Variants in ITPR2 observed in about 807,000 individuals in gnomAD.
The protein encoded by ITPR2 is inositol 1,4,5-trisphosphate receptor type 2.
ITPR2 carries 207 observed loss-of-function variants against 317.1 expected under a neutral mutation model. The observed-to-expected ratio is 0.65, with a 90% CI of 0.58 to 0.73. The LOEUF (loss-of-function observed/expected upper bound fraction) is 0.73. Ranked by LOEUF, ITPR2 falls within the 30% of genes least tolerant of loss-of-function variation. ITPR2 has a pLI of 0.00. For missense variants in ITPR2, 2,613 were observed against 3,284.0 expected (o/e 0.80, Z 4.99); for synonymous variants, 1,156 against 1,149.1 (o/e 1.01, Z -0.12).
intron 21 of ITPR2, 67 bp downstream of exon 21, chr12:26,653,909 T>A (rs1448235303): frequency 7.6e-7 from 1 of 1,323,882 alleles, no homozygotes; most frequent in Non-Finnish European, 1.1e-6. Flanking sequence ...CCCTTCTCTG[T>A]AGTTTTGTTT....
At chr12:26,698,761 G>A (rs950036532) in intron 9 of ITPR2, among the ~76,000 whole-genome samples, 7 of 152,094 alleles carry the variant, frequency 4.6e-5, no homozygotes, top group African/African-American at 1.7e-4. Flanking sequence ...TGAATTATGA[G>A]TAACAGAATT....
intron 1 of ITPR2, among the ~76,000 whole-genome samples, chr12:26,799,893 C>A (rs1950524047): frequency 6.6e-6 from 1 of 152,160 alleles, no homozygotes; most frequent in Non-Finnish European, 1.5e-5. Context: ...TTAACTACTA[C>A]CAGTTCTCAA....
At chr12:26,556,772 TA>T (rs762624049) in intron 35 of ITPR2, among the ~76,000 whole-genome samples, 12,741 of 94,526 alleles carry the variant, frequency 0.13, 1,274 homozygotes, top group East Asian at 0.51. Flanking sequence ...GGGAACAGCT[TA>T]AAAAAAAAAA....
intron 21 of ITPR2, 25 bp from the exon 22 acceptor site, chr12:26,632,084 C>T (rs934531336): frequency 2.0e-6 from 3 of 1,501,546 alleles, no homozygotes; most frequent in Admixed American, 4.4e-5. Flanking sequence ...TGCCGTAAGT[C>T]AACACACACA....
chr12:26,438,086 C>A (rs899779114), intron 47 of ITPR2, among the ~76,000 whole-genome samples: 1 of 151,120 alleles, frequency 6.6e-6, no homozygotes, highest in Non-Finnish European at 1.5e-5. Context: ...CAGGCATGAG[C>A]CACCACGCCT....
chr12:26,704,281 T>A (rs1948509857), intron 9 of ITPR2, among the ~76,000 whole-genome samples: 1 of 152,202 alleles, frequency 6.6e-6, no homozygotes, highest in Non-Finnish European at 1.5e-5. Context: ...ATTCTAATAA[T>A]CCAGGTCATG....
intron 45 of ITPR2, among the ~76,000 whole-genome samples, chr12:26,445,185 G>A (rs1003040456): frequency 4.6e-5 from 7 of 152,114 alleles, no homozygotes; most frequent in Non-Finnish European, 1.0e-4. Flanking sequence ...TGACCTGAGC[G>A]ACTAATAGTT....
intron 13 of ITPR2, among the ~76,000 whole-genome samples, chr12:26,671,622 T>C (rs1257153889): frequency 4.0e-5 from 6 of 151,062 alleles, no homozygotes; most frequent in African/African-American, 1.5e-4. Context: ...CCATCGAGAC[T>C]AGGAAGAAAC....
intron 34 of ITPR2, among the ~76,000 whole-genome samples, chr12:26,567,071 A>C (rs1029195816): frequency 6.6e-6 from 1 of 152,240 alleles, no homozygotes; most frequent in South Asian, 2.1e-4. Context: ...ACAAGTTTCC[A>C]CTGACATTTA....
chr12:26,495,955 A>T lies in ITPR2; in HGVS notation c.5074-695T>A, dbSNP rs1591830299. Among the ~76,000 whole-genome samples, 3 of 152,350 alleles carry T rather than the reference A, an allele frequency of 2.0e-5. No individual in the cohort carries two copies. The South Asian group carries it at 6.2e-4, about 32-fold the overall frequency. On this transcript the variant is annotated intron_variant, in intron 37 of 56. Transcript: ENST00000381340. ...TGGGCAAAAGACAGTGTATTCCTTT[A>T]CAAATTACATAATCCAAAACTTCCT... is the stretch of plus-strand genomic sequence containing the variant.
intron 44 of ITPR2, among the ~76,000 whole-genome samples, chr12:26,475,689 C>T (rs951595031): frequency 6.6e-6 from 1 of 152,178 alleles, no homozygotes; most frequent in Admixed American, 6.5e-5. Context: ...CCCCAATAAA[C>T]ATCCATTATT....
intron 21 of ITPR2, among the ~76,000 whole-genome samples, chr12:26,647,675 G>A (rs112398019): frequency 9.9e-5 from 15 of 152,196 alleles, no homozygotes; most frequent in African/African-American, 2.9e-4. Flanking sequence ...ATCACTGAGA[G>A]CAAATCGTAA....
At chr12:26,631,756 T>C (rs1156879472) in intron 22 of ITPR2, 110 bp downstream of exon 22, 3 of 883,606 alleles carry the variant, frequency 3.4e-6, no homozygotes, top group Admixed American at 2.6e-5. Context: ...TAAAATTATA[T>C]TGATAGCATT....
At chr12:26,608,405 C>T (rs1359226527) in intron 26 of ITPR2, among the ~76,000 whole-genome samples, 1 of 151,892 alleles carries the variant, frequency 6.6e-6, no homozygotes, top group Admixed American at 6.6e-5. Flanking sequence ...TCTCCCCGGG[C>T]CCCCCACCGT....
At chr12:26,620,646 A>G (rs758950463) in intron 26 of ITPR2, among the ~76,000 whole-genome samples, 2 of 152,186 alleles carry the variant, frequency 1.3e-5, no homozygotes, top group Admixed American at 1.3e-4. Flanking sequence ...CACTCTTTAG[A>G]TTTTTGGTAT....
intron 55 of ITPR2, among the ~76,000 whole-genome samples, chr12:26,355,844 G>T (rs1240267744): frequency 6.6e-6 from 1 of 152,182 alleles, no homozygotes; most frequent in Admixed American, 6.5e-5. Flanking sequence ...GCTTTTGGGG[G>T]TCAGCACAAC....
chr12:26,798,651 T>C lies in ITPR2; in HGVS notation c.93-8424A>G, dbSNP rs73300516. ...AAATAAGAAGTAGATCCCAAGGATGTTAATTCATGTTTGTATGGTAATTAA... is the reference window on the plus strand; with the variant it reads ...AAATAAGAAGTAGATCCCAAGGATGCTAATTCATGTTTGTATGGTAATTAA... On this transcript the variant is annotated intron_variant, in intron 1 of 56. Coordinates refer to ENST00000381340, the MANE Select transcript of ITPR2 (RefSeq NM_002223.4). Among the ~76,000 whole-genome samples, 1,181 of 152,344 alleles carry C rather than the reference T, an allele frequency of 7.8e-3. 17 individuals carry two copies. Among genetic ancestry groups the C allele is most frequent in the African/African-American group, 0.027 (1,133 of 41,576 alleles).
intron 26 of ITPR2, among the ~76,000 whole-genome samples, chr12:26,608,889 T>A (rs1946200270): frequency 6.6e-6 from 1 of 152,022 alleles, no homozygotes; most frequent in Non-Finnish European, 1.5e-5. Flanking sequence ...CTCAACAGTA[T>A]TATGTAAAAT....
At chr12:26,712,880 A>G (rs1036078696) in intron 8 of ITPR2, among the ~76,000 whole-genome samples, 7 of 152,230 alleles carry the variant, frequency 4.6e-5, no homozygotes, top group Admixed American at 3.9e-4. Flanking sequence ...GCAGTGACCA[A>G]GATATTATCT....
Sources: allele counts gnomAD v4.1 joint callset (sites outside exome capture counted in the v4.1 genomes callset), GRCh38; gene constraint gnomAD v4.1.1; transcripts MANE v1.5; gene names NCBI Gene and HGNC (gene_info 2026-07-23, HGNC 2026-07-21).